The following GOLGA3 variants were observed in gnomAD, a reference collection of about 807,000 sequenced individuals.
GOLGA3 encodes the protein golgin subfamily A member 3.
Under a neutral mutation model 169.4 loss-of-function variants are expected in GOLGA3, and 75 were observed. That is an observed-to-expected ratio of 0.44 (90% confidence interval 0.37 to 0.54). The LOEUF (loss-of-function observed/expected upper bound fraction) is 0.54, where lower values mean the gene tolerates loss of function less well. GOLGA3 is among the 20% of genes least tolerant of loss of function. GOLGA3 has a pLI of 0.00. For missense variants in GOLGA3, 1,899 were observed against 1,930.0 expected (o/e 0.98, Z 0.30); for synonymous variants, 824 against 822.4 (o/e 1.00, Z -0.03).
chr12:132,792,617 T>G lies in GOLGA3; in HGVS notation c.2470-1324A>C, dbSNP rs527461075. Among the ~76,000 whole-genome samples, 3 of 146,830 alleles carry G rather than the reference T, an allele frequency of 2.0e-5. 1 individual carries two copies. The highest frequency in any genetic ancestry group is 7.6e-5 in the African/African-American group (3 of 39,548). On this transcript the variant is annotated intron_variant, in intron 11 of 23. Coordinates refer to ENST00000450791, the MANE Select transcript of GOLGA3 (RefSeq NM_001389683.1). ...CCACACAGACCCACCCCACGGGACC[T>G]GCACTCCGAGGGCTCCACACAGACC... is the stretch of plus-strand genomic sequence containing the variant.
rs750223114 is a variant in GOLGA3 at position 132,807,885 on chromosome 12, C to T, written c.1178+6G>A. The T allele has an allele frequency of 2.4e-5, 38 of 1,588,708 alleles. No individual in the cohort carries two copies. The highest frequency in any genetic ancestry group is 2.8e-5 in the Non-Finnish European group (33 of 1,167,296). ...CCACCCCGCCCACCTCTGCTGTCCC[C>T]ACCACCTGCTGCAGATGCTGTCTCT... On this transcript the variant is annotated splice_donor_region_variant and intron_variant, in intron 5 of 23. Coordinates refer to ENST00000450791, the MANE Select transcript of GOLGA3 (RefSeq NM_001389683.1).
chr12:132,792,810 C>T lies in GOLGA3; in HGVS notation c.2470-1517G>A, dbSNP rs569562203. 5.7e-5 allele frequency among the ~76,000 whole-genome samples: 7 copies of T among 123,670 alleles called. No individual in the cohort carries two copies. The South Asian group carries it at 1.2e-3, about 21-fold the overall frequency. The allele number at this position is 123,670 out of a possible 152,430, so 81.1% of individuals were successfully genotyped here. ...GAGGGCTCCACACGGACCCACCCCACGGGATCTCCACTCGGAGGGCTCCAC... is the reference window on the plus strand; with the variant it reads ...GAGGGCTCCACACGGACCCACCCCATGGGATCTCCACTCGGAGGGCTCCAC... On this transcript the variant is annotated intron_variant, in intron 11 of 23. Transcript: ENST00000450791.
rs772888315 is a variant in GOLGA3, at chr12:132,796,077, A to G, written c.2244T>C (p.Asp748=). The change falls in exon 11 of 24, where the codon GAT becomes GAC. Residue 748 remains aspartate, a synonymous_variant. Transcript: ENST00000450791. ...GCTCCCCCAGCCTGGCCTGCAGCTC[A>G]TCGTAGTGTGTCTGCAGGGCATCGA... is the stretch of plus-strand genomic sequence containing the variant. The part of the protein sequence containing the change: ...QSLDALQTHY[D]ELQARLGELQ... 4.3e-6 allele frequency: 7 copies of G among 1,612,948 alleles called. No individual in the cohort carries two copies. The African/African-American group carries it at 8.0e-5, about 18-fold the overall frequency.
intron 1 of GOLGA3, among the ~76,000 whole-genome samples, chr12:132,823,035 A>G (rs1950280712): frequency 6.6e-6 from 1 of 152,212 alleles, no homozygotes; most frequent in Admixed American, 6.5e-5. Flanking sequence ...AGGTTGGACA[A>G]CTCAGATCCA....
chr12:132,807,144 C>A, intron 6 of GOLGA3, 33 bp downstream of exon 6: 1 of 1,336,672 alleles, frequency 7.5e-7, no homozygotes, highest in South Asian at 1.2e-5. Context: ...CCGACTTCGC[C>A]GCACGCTGAG....
chr12:132,818,584 T>C (rs1279825090), intron 2 of GOLGA3, among the ~76,000 whole-genome samples: 1 of 152,174 alleles, frequency 6.6e-6, no homozygotes, highest in Non-Finnish European at 1.5e-5. Context: ...GTAAAACCAA[T>C]AAGAAATCTT....
intron 3 of GOLGA3, 120 bp downstream of exon 3, chr12:132,816,420 T>C (rs2136702930): frequency 1.0e-5 from 10 of 992,594 alleles, no homozygotes; most frequent in Non-Finnish European, 1.5e-5. Flanking sequence ...GGGACTCAGA[T>C]GGCACACGGC....
chr12:132,799,481 C>T (rs1217296449), intron 8 of GOLGA3, among the ~76,000 whole-genome samples: 1 of 152,128 alleles, frequency 6.6e-6, no homozygotes, highest in Non-Finnish European at 1.5e-5. Context: ...TTACAGAAAA[C>T]TTTTAAACAA....
intron 18 of GOLGA3, among the ~76,000 whole-genome samples, chr12:132,779,600 G>T (rs777257271): frequency 1.5e-4 from 23 of 152,304 alleles, no homozygotes; most frequent in Middle Eastern, 3.4e-3. Flanking sequence ...CAATTCAAAC[G>T]GGATTTAAAG....
Position 132,772,196 on chromosome 12 carries a change from G to T in GOLGA3, c.*909C>A, listed in dbSNP as rs773391216. 6.6e-6 allele frequency: 1 copy of T among 152,098 alleles called. No homozygotes were observed. The highest frequency in any genetic ancestry group is 1.5e-5 in the Non-Finnish European group (1 of 68,018). The allele number at this position is 152,098 out of a possible 1,614,324, so 9.4% of individuals were successfully genotyped here. A position where few individuals can be genotyped will look rare whatever the true frequency, so the allele number is the denominator to read the frequency against. On this transcript the variant is annotated 3_prime_UTR_variant, in exon 24 of 24. Coordinates refer to ENST00000450791, the MANE Select transcript of GOLGA3 (RefSeq NM_001389683.1). ...ATTATTCCCAACAAATTTTCAAAAG[G>T]CAATCAATAATAAGTAGGTTCTTCT...
Position 132,808,508 on chromosome 12 carries a change from A to C in GOLGA3, c.561T>G (p.Leu187=). 6.2e-7 allele frequency: 1 copy of C among 1,604,268 alleles called. No individual in the cohort carries two copies. Among genetic ancestry groups the C allele is most frequent in the Non-Finnish European group, 8.5e-7 (1 of 1,174,720 alleles). The change falls in exon 5 of 24, where the codon CTT becomes CTG. Residue 187 remains leucine (L), a synonymous_variant. Coordinates refer to ENST00000450791, the MANE Select transcript of GOLGA3 (RefSeq NM_001389683.1). ...CTGGGTTTAACATGAGCTCAGGATCAAGCGTGCTAAAAAGTCTCGTTTTGG... is the reference window on the plus strand; with the variant it reads ...CTGGGTTTAACATGAGCTCAGGATCCAGCGTGCTAAAAAGTCTCGTTTTGG... ...PATKTRLFST[L]DPELMLNPEN... is the part of the protein sequence containing the mutation.
intron 4 of GOLGA3, among the ~76,000 whole-genome samples, chr12:132,812,082 G>C (rs1350859117): frequency 6.6e-6 from 1 of 151,320 alleles, no homozygotes; most frequent in African/African-American, 2.4e-5. Flanking sequence ...CAGTTACTCG[G>C]GAGGCTGAGG....
chr12:132,811,900 T>A (rs1489424046), intron 4 of GOLGA3: 1 of 430,148 alleles, frequency 2.3e-6, no homozygotes, highest in African/African-American at 2.2e-5. Flanking sequence ...TAGTCCCAGC[T>A]ACTCAGGAGG....
Position 132,795,859 on chromosome 12 carries a change from G to C in GOLGA3, c.2462C>G (p.Ser821Cys), listed in dbSNP as rs753944582. ...CACAGCAGAATGCATTACCTGGCCG[G>C]ATTTGATAGCTAATTCTTCTCTTAA... ...EKLREELAIK[S>C]GQVEHLQQET... Residue 821 changes from serine (S) to cysteine (C), a missense_variant, in exon 11 of 24, where the codon TCC (serine) becomes TGC (cysteine). Transcript: ENST00000450791. 1.2e-6 allele frequency: 2 copies of C among 1,611,676 alleles called. No individual in the cohort carries two copies. Among genetic ancestry groups the C allele is most frequent in the Non-Finnish European group, 1.7e-6 (2 of 1,177,916 alleles).
In GOLGA3 at chr12:132,826,054, G is replaced by A. The variant is rs60196236; in HGVS notation, c.-184+2749C>T. Reference sequence around the variant, plus strand: ...CTGTACACCTGTTCCCCTGCTTCAGGGACGTCCAGATCGGTGACATCGTCA... The same window carrying A: ...CTGTACACCTGTTCCCCTGCTTCAGAGACGTCCAGATCGGTGACATCGTCA... On this transcript the variant is annotated intron_variant, in intron 1 of 23. Transcript: ENST00000450791. 491 of 1,369,440 alleles carry A rather than the reference G, an allele frequency of 3.6e-4. 3 individuals are homozygous for A. In the East Asian group the frequency reaches 0.01, roughly 28 times the overall value. 84.8% of individuals were successfully genotyped at this position (1,369,440 alleles called of 1,614,324 possible). A position where few individuals can be genotyped will look rare whatever the true frequency, so the allele number is the denominator to read the frequency against.
Position 132,804,600 on chromosome 12 carries a change from G to A in GOLGA3, c.1597+116C>T. The A allele has an allele frequency of 2.4e-6, 2 of 819,596 alleles. No individual in the cohort carries two copies. Among genetic ancestry groups the A allele is most frequent in the East Asian group, 5.1e-5 (2 of 39,322 alleles). 50.8% of individuals were successfully genotyped at this position (819,596 alleles called of 1,614,324 possible). On this transcript the variant is annotated intron_variant, in intron 7 of 23. Transcript: ENST00000450791. This position sits in a 1 kb window ranked among gnomAD's most constrained non-coding sequence, Gnocchi z 4.1. ...GGGGACCAGTCGAGGAAGGAGGAGG[G>A]AGCAGCAAGGACCAGTCAGGGAAGG... is the stretch of plus-strand genomic sequence containing the variant.
rs139934743 is a variant in GOLGA3 at position 132,786,781 on chromosome 12, G to T, written c.2818C>A (p.Gln940Lys). The change falls in exon 14 of 24, where the codon CAG becomes AAG. Residue 940 changes from glutamine (Q) to lysine (K), a missense_variant. Coordinates refer to ENST00000450791, the MANE Select transcript of GOLGA3 (RefSeq NM_001389683.1). ...DEMETHLQSL[Q>K]FDKEQMVAVT... The stretch of plus-strand genomic sequence containing the variant: ...GCGACCATCTGCTCCTTATCGAACT[G>T]CAACGACTGTGGAAGGGAAGGAGGG... The T allele has an allele frequency of 6.2e-7, 1 of 1,609,746 alleles. No homozygotes were observed. The highest frequency in any genetic ancestry group is 8.5e-7 in the Non-Finnish European group (1 of 1,176,178).
intron 12 of GOLGA3, among the ~76,000 whole-genome samples, 179 bp downstream of exon 12, chr12:132,791,037 A>T (rs2046198954): frequency 7.8e-6 from 1 of 128,346 alleles, no homozygotes; most frequent in Non-Finnish European, 1.6e-5. Context: ...GCTGACAGAG[A>T]GAGACTCCGT....
At position 132,807,980 on chromosome 12, in the gene GOLGA3, G is replaced by A. The variant is rs576656038; in HGVS notation, c.1089C>T (p.Asp363=). 4.0e-5 allele frequency: 64 copies of A among 1,613,348 alleles called. No individual in the cohort carries two copies. In the East Asian group the frequency reaches 1.2e-3, roughly 30 times the overall value. The change falls in exon 5 of 24, where the codon GAC becomes GAT. Residue 363 remains aspartate (D), a synonymous_variant. Coordinates refer to ENST00000450791, the MANE Select transcript of GOLGA3 (RefSeq NM_001389683.1). ...GCTCAGCGGCTGCGGCCTGGAGGAC[G>A]TCCTTAATGGAGGGGAACTGGCCCA... ...DTLGQFPSIK[D]VLQAAAAEHQ...
Sources: allele counts gnomAD v4.1 joint callset (sites outside exome capture counted in the v4.1 genomes callset), GRCh38; gene constraint gnomAD v4.1.1; non-coding constraint Gnocchi (gnomAD v3.1); transcripts MANE v1.5; gene names NCBI Gene and HGNC (gene_info 2026-07-23, HGNC 2026-07-21).